MAST4: variants seen among roughly 807,000 people sequenced by gnomAD.
MAST4 encodes the protein microtubule-associated serine/threonine-protein kinase 4.
In MAST4, 89 loss-of-function variants were observed where a neutral mutation model predicts 162.7. The observed-to-expected ratio is 0.55, with a 90% CI of 0.46 to 0.65. MAST4 has a LOEUF of 0.65. MAST4 is among the 30% of genes least tolerant of loss of function. The pLI, the probability that MAST4 is intolerant of heterozygous loss-of-function variation, is 0.00. For synonymous variants in MAST4, 1,479 were observed against 1,361.1 expected, an observed-to-expected ratio of 1.09 and a Z score of -1.91; for missense variants, 3,153 against 3,374.0, an observed-to-expected ratio of 0.93 and a Z score of 1.62.
At chr5:66,814,419 G>A (rs1244853353) in intron 3 of MAST4, among the ~76,000 whole-genome samples, 1 of 152,084 alleles carries the variant, frequency 6.6e-6, no homozygotes, top group Admixed American at 6.6e-5. Flanking sequence ...AGTATGAGGA[G>A]CAGCCACAGA....
At chr5:67,012,045 A>G (rs1752747112) in intron 4 of MAST4, among the ~76,000 whole-genome samples, 1 of 152,138 alleles carries the variant, frequency 6.6e-6, no homozygotes, top group Non-Finnish European at 1.5e-5. Flanking sequence ...TCTTCACTCA[A>G]GGCAGTGGTG....
intron 3 of MAST4, among the ~76,000 whole-genome samples, chr5:66,873,896 A>C (rs1761114824): frequency 6.6e-6 from 1 of 152,196 alleles, no homozygotes; most frequent in East Asian, 1.9e-4. Flanking sequence ...TCTTCAGAGG[A>C]AGTTAATTTT....
intron 4 of MAST4, among the ~76,000 whole-genome samples, chr5:67,017,275 G>C (rs941620878): frequency 6.6e-6 from 1 of 152,144 alleles, no homozygotes; most frequent in African/African-American, 2.4e-5. Context: ...TACAATATGT[G>C]AGCTGTTTTT....
chr5:67,154,652 G>A (rs921730139), intron 26 of MAST4, among the ~76,000 whole-genome samples: 4 of 152,256 alleles, frequency 2.6e-5, no homozygotes, highest in Admixed American at 6.5e-5. Context: ...GGATGCAGTC[G>A]ATGTGTGTCA....
rs775230698 is a variant in MAST4 at position 67,163,211 on chromosome 5, G to T, written c.4032G>T (p.Gly1344=). 1 of 1,613,814 alleles carries T rather than the reference G, an allele frequency of 6.2e-7. No individual in the cohort carries two copies. The highest frequency in any genetic ancestry group is 1.6e-4 in the Middle Eastern group (1 of 6,062). Residue 1344 remains glycine, a synonymous_variant, in exon 29 of 29, where the codon GGG becomes GGT. Transcript: ENST00000403625. This position sits in a 1 kb window ranked among gnomAD's most constrained non-coding sequence, Gnocchi z 7.0. ...CCCCCAATTCCCCAGCAGGGTCCGG[G>T]CACATCCGGCCCAGCACTCTCCACG... ...SSAPNSPAGS[G]HIRPSTLHGL... is the part of the protein sequence containing the mutation.
chr5:66,777,745 G>C (rs989926623), intron 2 of MAST4, among the ~76,000 whole-genome samples: 2 of 152,068 alleles, frequency 1.3e-5, no homozygotes, highest in Admixed American at 6.5e-5. Flanking sequence ...TTTTAAAGAG[G>C]GCCAGCTACT....
At chr5:67,068,084 G>A (rs559997783) in intron 5 of MAST4, among the ~76,000 whole-genome samples, 76 of 152,256 alleles carry the variant, frequency 5.0e-4, no homozygotes, top group Admixed American at 1.6e-3. Flanking sequence ...TGAGGCCCTG[G>A]AATCTATCCC....
At chr5:66,685,539 T>C (rs1268707118) in intron 1 of MAST4, among the ~76,000 whole-genome samples, 1 of 150,532 alleles carries the variant, frequency 6.6e-6, no homozygotes, top group Non-Finnish European at 1.5e-5. Context: ...ATTGATAAAA[T>C]AAGGAAAGAA....
At chr5:66,610,555 C>G (rs1481006330) in intron 1 of MAST4, among the ~76,000 whole-genome samples, 1 of 152,204 alleles carries the variant, frequency 6.6e-6, no homozygotes, top group African/African-American at 2.4e-5. Context: ...TTGAGCCGCT[C>G]CTGCCCCTTG....
Position 66,893,382 on chromosome 5 carries a change from T to TG in MAST4, c.643-6569_643-6568insG, listed in dbSNP as rs569219746. ...CACCACGCCCAGCTAATTTTTTTTTTTGTGTGTGTGTGTGTGTCTTTTTTT... is the reference window on the plus strand; with the variant it reads ...CACCACGCCCAGCTAATTTTTTTTTTGTGTGTGTGTGTGTGTGTCTTTTTTT... On this transcript the variant is annotated intron_variant, in intron 3 of 28. Transcript: ENST00000403625. 4.2e-3 allele frequency among the ~76,000 whole-genome samples: 624 copies of TG among 150,144 alleles called. 1 individual carries two copies. Among genetic ancestry groups the TG allele is most frequent in the Middle Eastern group, 0.034 (10 of 292 alleles).
At chr5:67,095,417 A>C (rs1287569138) in intron 6 of MAST4, among the ~76,000 whole-genome samples, 180 bp from the exon 7 acceptor site, 1 of 152,190 alleles carries the variant, frequency 6.6e-6, no homozygotes, top group Non-Finnish European at 1.5e-5. Context: ...GTATTGATTC[A>C]GTTTAAATAA....
chr5:66,716,653 G>T (rs1419514941), intron 1 of MAST4, among the ~76,000 whole-genome samples: 1 of 151,570 alleles, frequency 6.6e-6, no homozygotes, highest in Non-Finnish European at 1.5e-5. Context: ...GAGCCATTGT[G>T]CCCAGCCTAG....
chr5:66,931,075 C>T (rs1742143421), intron 4 of MAST4: 1 of 200,928 alleles, frequency 5.0e-6, no homozygotes, highest in South Asian at 8.6e-5. Context: ...CTTCTGAGAA[C>T]TTACTTTATC....
In MAST4 at chr5:67,078,914, A is replaced by AAATAAATATATATAT. The variant is rs61003105; in HGVS notation, c.764-11248_764-11247insAATAAATATATATAT. 5.6e-3 allele frequency among the ~76,000 whole-genome samples: 222 copies of AAATAAATATATATAT among 39,658 alleles called. 6 individuals carry two copies. The highest frequency in any genetic ancestry group is 0.04 in the African/African-American group (213 of 5,384). 26.0% of individuals were successfully genotyped at this position (39,658 alleles called of 152,430 possible). A position where few individuals can be genotyped will look rare whatever the true frequency, so the allele number is the denominator to read the frequency against. Reference sequence around the variant, plus strand: ...TATATTTATATATTTTTATATAAATATATATATATATATATATATATATAT... The same window carrying AAATAAATATATATAT: ...TATATTTATATATTTTTATATAAATAAATAAATATATATATTATATATATATATATATATATATAT... On this transcript the variant is annotated intron_variant, in intron 5 of 28. Transcript: ENST00000403625.
chr5:66,925,669 TG>T (rs1764841454), intron 4 of MAST4, among the ~76,000 whole-genome samples: 1 of 152,070 alleles, frequency 6.6e-6, no homozygotes, highest in Non-Finnish European at 1.5e-5. Flanking sequence ...CCTGCTGGAG[TG>T]GAGGCTCCCT....
chr5:66,869,938 CTG>C (rs1409141349), intron 3 of MAST4, among the ~76,000 whole-genome samples: 1 of 152,148 alleles, frequency 6.6e-6, no homozygotes, highest in Non-Finnish European at 1.5e-5. Context: ...AGTTTGTTCA[CTG>C]TTGTCCAGCT....
At chr5:66,676,796 CTGAT>C (rs1266683244) in intron 1 of MAST4, among the ~76,000 whole-genome samples, 2 of 152,214 alleles carry the variant, frequency 1.3e-5, no homozygotes, top group Non-Finnish European at 2.9e-5. Flanking sequence ...AATTGCCTGA[CTGAT>C]CAAGGAAATT....
chr5:66,597,449 G>A (rs1361896935), intron 1 of MAST4, among the ~76,000 whole-genome samples: 3 of 152,294 alleles, frequency 2.0e-5, no homozygotes, highest in Admixed American at 2.0e-4. Context: ...GGGGGTAAGA[G>A]GCAGGAGTAG....
chr5:66,644,786 G>A (rs1467096014), intron 1 of MAST4, among the ~76,000 whole-genome samples: 1 of 145,018 alleles, frequency 6.9e-6, no homozygotes, highest in Non-Finnish European at 1.5e-5. Context: ...TAGATAAGAT[G>A]TCATGTATAG....
Sources: allele counts gnomAD v4.1 joint callset (sites outside exome capture counted in the v4.1 genomes callset), GRCh38; gene constraint gnomAD v4.1.1; non-coding constraint Gnocchi (gnomAD v3.1); transcripts MANE v1.5; gene names NCBI Gene and HGNC (gene_info 2026-07-23, HGNC 2026-07-21).